Variants in SOX5 observed in about 807,000 individuals in gnomAD.
The protein encoded by SOX5 is SRY-box transcription factor 5, also known as transcription factor SOX-5.
A neutral mutation model predicts 92.0 loss-of-function variants in SOX5; 9 were observed. The observed-to-expected ratio is 0.10, with a 90% CI of 0.06 to 0.17. The LOEUF is 0.17. Among genes scored for constraint, SOX5 ranks in the 10% least tolerant of loss-of-function variants. The probability of loss-of-function intolerance (pLI) is 1.00; values close to 1 mark genes in which losing one functional copy is unlikely to be tolerated. For missense variants in SOX5, 642 were observed against 944.5 expected (o/e 0.68, Z 4.20); for synonymous variants, 344 against 336.3 (o/e 1.02, Z -0.25).
At chr12:23,936,163 A>G (rs1281063257) in intron 1 of SOX5, among the ~76,000 whole-genome samples, 1 of 151,054 alleles carries the variant, frequency 6.6e-6, no homozygotes, top group African/African-American at 2.4e-5. Flanking sequence ...CCATATGTAT[A>G]GAGAAAGTTT....
intron 2 of SOX5, among the ~76,000 whole-genome samples, chr12:24,367,667 G>C (rs1219761266): frequency 1.3e-5 from 2 of 152,222 alleles, no homozygotes; most frequent in Admixed American, 6.5e-5. Flanking sequence ...GCCAAGAAAA[G>C]AGACATGTTC....
At chr12:24,042,015 A>T (rs1031917542) in intron 4 of SOX5, among the ~76,000 whole-genome samples, 2 of 152,130 alleles carry the variant, frequency 1.3e-5, no homozygotes, top group African/African-American at 2.4e-5. Flanking sequence ...TTTAACATCT[A>T]CCATGCATAA....
chr12:23,868,552 A>T (rs1316388135), intron 2 of SOX5, among the ~76,000 whole-genome samples: 1 of 152,090 alleles, frequency 6.6e-6, no homozygotes, highest in Non-Finnish European at 1.5e-5. Flanking sequence ...ATGTACAAGT[A>T]TTTTTCTGAC....
intron 4 of SOX5, among the ~76,000 whole-genome samples, chr12:23,749,908 A>G (rs1222478735): frequency 6.6e-6 from 1 of 151,886 alleles, no homozygotes; most frequent in African/African-American, 2.4e-5. Flanking sequence ...CCAACAGAAT[A>G]TTAGGTAGTC....
intron 3 of SOX5, among the ~76,000 whole-genome samples, chr12:23,804,719 T>A (rs2095726830): frequency 6.6e-6 from 1 of 151,738 alleles, no homozygotes; most frequent in Non-Finnish European, 1.5e-5. Context: ...GATCCAGCCC[T>A]GGTGTCCTCC....
At chr12:23,632,892 T>C (rs985239876) in intron 8 of SOX5, among the ~76,000 whole-genome samples, 1 of 152,166 alleles carries the variant, frequency 6.6e-6, no homozygotes, top group Non-Finnish European at 1.5e-5. Context: ...GTTTCATTTA[T>C]GACAACTTGG....
chr12:24,547,208 G>T (rs1383753163), intron 1 of SOX5, among the ~76,000 whole-genome samples: 1 of 134,616 alleles, frequency 7.4e-6, no homozygotes, highest in African/African-American at 2.7e-5. Flanking sequence ...TTTTTGAGAC[G>T]GAGTCTCGCT....
Position 24,101,041 on chromosome 12 carries a change from T to C in SOX5, c.-2+112302A>G, listed in dbSNP as rs192700022. Among the ~76,000 whole-genome samples the C allele has an allele frequency of 2.8e-3, 425 of 152,220 alleles. 1 individual carries two copies. The highest frequency in any genetic ancestry group is 9.1e-3 in the African/African-American group (380 of 41,556). On this transcript the variant is annotated intron_variant, in intron 4 of 4. Coordinates refer to the SOX5 transcript ENST00000446891. ...GGGCCTTCCATTTTTACTACTGACC[T>C]TCTCCAACACCTTCTCCACAGAGTG...
chr12:23,900,774 A>G (rs968306336), intron 1 of SOX5, among the ~76,000 whole-genome samples: 2 of 152,110 alleles, frequency 1.3e-5, no homozygotes, highest in African/African-American at 4.8e-5. Context: ...AGCCCAGCCA[A>G]CATGGTGAAA....
intron 1 of SOX5, among the ~76,000 whole-genome samples, chr12:24,484,027 G>T (rs950878292): frequency 6.6e-6 from 1 of 152,160 alleles, no homozygotes; most frequent in African/African-American, 2.4e-5. Context: ...TAAAAGCGTT[G>T]TGAGAAATTT....
At chr12:23,590,898 T>A (rs994307230) in intron 9 of SOX5, among the ~76,000 whole-genome samples, 1 of 152,050 alleles carries the variant, frequency 6.6e-6, no homozygotes, top group African/African-American at 2.4e-5. Flanking sequence ...AACGTGTCTC[T>A]TTCCCAAGGA....
chr12:23,970,841 A>ATATATATATTTTT, intron 4 of SOX5, among the ~76,000 whole-genome samples: 2 of 21,882 alleles, frequency 9.1e-5, no homozygotes, highest in Non-Finnish European at 2.1e-4. Context: ...TATATATATA[A>ATATATATATTTTT]TTTTTTTTTT....
intron 2 of SOX5, among the ~76,000 whole-genome samples, chr12:24,332,469 A>G (rs549174428): frequency 2.0e-5 from 3 of 152,320 alleles, no homozygotes; most frequent in East Asian, 3.9e-4. Context: ...ATGGTCCCCA[A>G]TACAATTTAG....
chr12:24,545,372 T>C (rs1045173398), intron 1 of SOX5, among the ~76,000 whole-genome samples: 1 of 152,206 alleles, frequency 6.6e-6, no homozygotes, highest in Non-Finnish European at 1.5e-5. Flanking sequence ...TGCTCTCCTC[T>C]CTCTTGTTTC....
At chr12:24,260,376 T>C (rs1179324887) in intron 3 of SOX5, among the ~76,000 whole-genome samples, 1 of 152,228 alleles carries the variant, frequency 6.6e-6, no homozygotes, top group Non-Finnish European at 1.5e-5. Context: ...TAGAATATCA[T>C]AGGATTGTTA....
intron 4 of SOX5, among the ~76,000 whole-genome samples, chr12:24,056,713 C>A (rs1305664035): frequency 1.3e-5 from 2 of 151,856 alleles, no homozygotes; most frequent in African/African-American, 2.4e-5. Context: ...CGGTGGCTCA[C>A]GCCTGTAATC....
At chr12:24,512,852 T>C (rs1240992479) in intron 1 of SOX5, among the ~76,000 whole-genome samples, 2 of 152,244 alleles carry the variant, frequency 1.3e-5, no homozygotes, top group African/African-American at 4.8e-5. Context: ...CAGTCTTTTG[T>C]GTTAACTTGA....
chr12:24,514,670 T>C (rs539226361), intron 1 of SOX5, among the ~76,000 whole-genome samples: 1 of 152,272 alleles, frequency 6.6e-6, no homozygotes, highest in East Asian at 1.9e-4. Context: ...CCACCAGCGG[T>C]AGACTGGATA....
At chr12:24,540,842 C>T (rs1456238140) in intron 1 of SOX5, among the ~76,000 whole-genome samples, 3 of 152,126 alleles carry the variant, frequency 2.0e-5, no homozygotes, top group Non-Finnish European at 4.4e-5. Flanking sequence ...CAATCATACC[C>T]TGCAAATATT....
Sources: allele counts gnomAD v4.1 joint callset (sites outside exome capture counted in the v4.1 genomes callset), GRCh38; gene constraint gnomAD v4.1.1; transcripts MANE v1.5; gene names NCBI Gene and HGNC (gene_info 2026-07-23, HGNC 2026-07-21).